The following MYRIP variants were observed in gnomAD, a reference collection of about 807,000 sequenced individuals.
MYRIP encodes the protein myosin VIIA and Rab interacting protein.
Under a neutral mutation model 98.0 loss-of-function variants are expected in MYRIP, and 49 were observed. That is an observed-to-expected ratio of 0.50 (90% CI 0.40 to 0.63). The LOEUF (loss-of-function observed/expected upper bound fraction) is 0.63, where lower values mean the gene tolerates loss of function less well. Among genes scored for constraint, MYRIP ranks in the 30% least tolerant of loss-of-function variants. The pLI, the probability that MYRIP is intolerant of heterozygous loss-of-function variation, is 0.00. For synonymous variants in MYRIP, 404 were observed against 409.5 expected (o/e 0.99, Z 0.16); for missense variants, 1,004 against 1,058.2 (o/e 0.95, Z 0.71).
At chr3:39,984,554 A>G (rs1945984163) in intron 2 of MYRIP, among the ~76,000 whole-genome samples, 1 of 152,198 alleles carries the variant, frequency 6.6e-6, no homozygotes, top group Non-Finnish European at 1.5e-5. Flanking sequence ...AAGGACATAA[A>G]CGCATCATTT....
intron 10 of MYRIP, among the ~76,000 whole-genome samples, chr3:40,204,037 T>C (rs1261165117): frequency 1.1e-4 from 1 of 9,172 alleles, no homozygotes; most frequent in African/African-American, 2.7e-4. Context: ...ATATATTATA[T>C]ATTATATATA....
chr3:39,936,710 G>A (rs1338831174), intron 2 of MYRIP, among the ~76,000 whole-genome samples: 5 of 152,136 alleles, frequency 3.3e-5, no homozygotes, highest in Non-Finnish European at 5.9e-5. Context: ...ACTCCCCGAC[G>A]TGGAGCTTGC....
At chr3:39,834,432 A>T (rs1941561799) in intron 1 of MYRIP, among the ~76,000 whole-genome samples, 2 of 152,340 alleles carry the variant, frequency 1.3e-5, no homozygotes, top group East Asian at 3.9e-4. Context: ...TGTCGATGTA[A>T]CTATAAATAA....
At chr3:39,954,460 T>C (rs1945106673) in intron 2 of MYRIP, among the ~76,000 whole-genome samples, 1 of 152,192 alleles carries the variant, frequency 6.6e-6, no homozygotes, top group South Asian at 2.1e-4. Context: ...GGGTCCTGAC[T>C]GTTAGAAGGA....
intron 2 of MYRIP, among the ~76,000 whole-genome samples, chr3:39,990,173 A>G (rs1946139686): frequency 6.6e-6 from 1 of 152,230 alleles, no homozygotes; most frequent in South Asian, 2.1e-4. Flanking sequence ...GCACAGTTCC[A>G]TGGAAAAAGG....
chr3:40,215,645 G>A (rs542997142), intron 11 of MYRIP, among the ~76,000 whole-genome samples: 4 of 152,238 alleles, frequency 2.6e-5, no homozygotes, highest in East Asian at 1.9e-4. Context: ...ATCAAGTATC[G>A]TTGTCTATAT....
At chr3:39,826,212 T>A (rs1225658366) in intron 1 of MYRIP, among the ~76,000 whole-genome samples, 1 of 152,042 alleles carries the variant, frequency 6.6e-6, no homozygotes, top group East Asian at 1.9e-4. Flanking sequence ...AATTTTGAAT[T>A]TGGTATGTTT....
At chr3:39,912,691 C>T (rs1289303121) in intron 2 of MYRIP, among the ~76,000 whole-genome samples, 3 of 152,130 alleles carry the variant, frequency 2.0e-5, no homozygotes, top group Non-Finnish European at 4.4e-5. Context: ...AATGATATTC[C>T]TCATCATCTG....
chr3:40,225,463 G>A (rs1032802313), intron 11 of MYRIP, among the ~76,000 whole-genome samples: 1 of 152,176 alleles, frequency 6.6e-6, no homozygotes, highest in Non-Finnish European at 1.5e-5. Context: ...GTCTGATTGT[G>A]CACTCAGATT....
At position 40,189,897 on chromosome 3, in the gene MYRIP, C is replaced by T. The variant is rs765959404; in HGVS notation, c.1099C>T (p.Arg367Ter). 3 of 1,614,198 alleles carry T rather than the reference C, an allele frequency of 1.9e-6. No homozygotes were observed. The highest frequency in any genetic ancestry group is 1.1e-5 in the South Asian group (1 of 91,082). The change falls in exon 10 of 17, where the codon CGA (arginine) becomes TGA (stop). Residue 367 changes from arginine to a stop codon, truncating the protein, a stop_gained. Coordinates refer to ENST00000302541, the MANE Select transcript of MYRIP (RefSeq NM_015460.4). LOFTEE classifies it high-confidence loss of function. ...GAAGGATGGCGCTCCACCCCCCACC[C>T]GACTACTGGCCAAACCTAAGAGCGG... The part of the protein sequence containing the change: ...ALKDGAPPPT[R>*]LLAKPKSGTF...
intron 3 of MYRIP, among the ~76,000 whole-genome samples, chr3:40,108,970 G>A (rs1309171472): frequency 1.3e-5 from 2 of 152,130 alleles, no homozygotes; most frequent in Admixed American, 1.3e-4. Flanking sequence ...TCACCCCAGG[G>A]CTAGGTACCA....
chr3:40,007,203 A>G (rs898199644), intron 2 of MYRIP, among the ~76,000 whole-genome samples: 10 of 152,352 alleles, frequency 6.6e-5, no homozygotes, highest in East Asian at 3.9e-4. Context: ...AGGCTAATGC[A>G]TCCAGCCATG....
intron 2 of MYRIP, among the ~76,000 whole-genome samples, chr3:39,968,405 C>T (rs949663792): frequency 2.0e-5 from 3 of 152,006 alleles, no homozygotes; most frequent in Non-Finnish European, 2.9e-5. Flanking sequence ...TCAAGTGATC[C>T]GCCTGCCTTG....
intron 3 of MYRIP, among the ~76,000 whole-genome samples, chr3:40,056,989 T>TTAGTGAATA (rs1273947422): frequency 3.9e-5 from 6 of 152,158 alleles, no homozygotes; most frequent in Non-Finnish European, 7.3e-5. Context: ...ATTTATGTGT[T>TTAGTGAATA]TAGTGAATAT....
chr3:39,895,947 G>A (rs901559511), intron 1 of MYRIP, among the ~76,000 whole-genome samples: 1 of 151,642 alleles, frequency 6.6e-6, no homozygotes, highest in Non-Finnish European at 1.5e-5. Context: ...GCGCGTGCAC[G>A]TACGCATATA....
chr3:39,945,894 G>A (rs540358879), intron 2 of MYRIP, among the ~76,000 whole-genome samples: 162 of 151,998 alleles, frequency 1.1e-3, no homozygotes, highest in Non-Finnish European at 2.1e-3. Context: ...TCTTTATTTG[G>A]TAGGGGAGAA....
At chr3:40,090,819 G>A (rs1005434706) in intron 3 of MYRIP, among the ~76,000 whole-genome samples, 1 of 152,152 alleles carries the variant, frequency 6.6e-6, no homozygotes, top group African/African-American at 2.4e-5. Context: ...AATGGGTATC[G>A]AGGACATACA....
At chr3:40,046,029 A>G (rs1947662155) in intron 3 of MYRIP, among the ~76,000 whole-genome samples, 1 of 152,170 alleles carries the variant, frequency 6.6e-6, no homozygotes. Flanking sequence ...AAAGTAGATC[A>G]GTTGAGTGGT....
chr3:40,214,377 A>G (rs115095409), intron 11 of MYRIP, among the ~76,000 whole-genome samples: 1,881 of 152,318 alleles, frequency 0.012, 9 homozygotes, highest in Non-Finnish European at 0.022. Flanking sequence ...GTGGCAGCTC[A>G]ATGTCCTCAG....
Sources: gnomAD v4.1 joint callset for allele counts (sites outside exome capture counted in the v4.1 genomes callset) on GRCh38, gnomAD v4.1.1 for gene constraint, MANE v1.5 for transcripts, NCBI Gene and HGNC (gene_info 2026-07-23, HGNC 2026-07-21) for gene names.